The following EPB41L4A variants were observed in gnomAD, a reference collection of about 807,000 sequenced individuals.
EPB41L4A encodes band 4.1-like protein 4A.
A neutral mutation model predicts 108.6 loss-of-function variants in EPB41L4A; 100 were observed. The ratio of observed to expected loss-of-function variants is 0.92; its 90% CI spans 0.78 to 1.09. EPB41L4A has a LOEUF of 1.09. EPB41L4A is among the 50% of genes least tolerant of loss of function. The pLI is 0.00. For missense variants in EPB41L4A, 1,030 were observed against 842.7 expected (o/e 1.22, Z -2.75); for synonymous variants, 319 against 289.0 (o/e 1.10, Z -1.05).
intron 1 of EPB41L4A, among the ~76,000 whole-genome samples, chr5:112,382,537 G>C (rs1424502538): frequency 6.6e-6 from 1 of 152,138 alleles, no homozygotes; most frequent in Non-Finnish European, 1.5e-5. Flanking sequence ...TTCAAACGTA[G>C]CTATTCAAAC....
chr5:112,406,013 G>T (rs2112780368), intron 1 of EPB41L4A, among the ~76,000 whole-genome samples: 1 of 152,266 alleles, frequency 6.6e-6, no homozygotes, highest in Non-Finnish European at 1.5e-5. Context: ...CATAGCATTG[G>T]TCCAGACCCC....
intron 1 of EPB41L4A, 87 bp downstream of exon 1, chr5:112,418,854 C>G: frequency 9.5e-7 from 1 of 1,052,796 alleles, no homozygotes; most frequent in South Asian, 1.4e-5. Flanking sequence ...CCGCCGCCCT[C>G]GACCCACCGG....
chr5:112,212,555 A>C (rs1330791248), intron 12 of EPB41L4A, among the ~76,000 whole-genome samples: 1 of 152,168 alleles, frequency 6.6e-6, no homozygotes, highest in East Asian at 1.9e-4. Flanking sequence ...TTGGCCTCCC[A>C]AAGTGCTGGG....
At chr5:112,394,007 G>GA (rs1379122032) in intron 1 of EPB41L4A, among the ~76,000 whole-genome samples, 4 of 152,248 alleles carry the variant, frequency 2.6e-5, no homozygotes, top group Admixed American at 6.5e-5. Context: ...TATCTCAACA[G>GA]ATGCAGAAAA....
chr5:112,239,663 T>C lies in EPB41L4A; in HGVS notation c.962A>G (p.Tyr321Cys), dbSNP rs373267186. The stretch of plus-strand genomic sequence containing the variant: ...CAAGGAAAAAAATGTCATTTACCTG[T>C]AGCGGTGCTTATAACGTATGGATCC... ...KFGSIRYKHR[Y>C]SGRTALQMSR... The change falls in exon 11 of 23, where the codon TAC (tyrosine) becomes TGC (cysteine). Residue 321 changes from tyrosine (Y) to cysteine (C), a missense_variant. Transcript: ENST00000261486. The C allele has an allele frequency of 7.5e-6, 12 of 1,597,836 alleles. No individual in the cohort carries two copies. The highest frequency in any genetic ancestry group is 1.7e-4 in the Middle Eastern group (1 of 6,042).
chr5:112,168,706 A>T lies in EPB41L4A; in HGVS notation c.1932+33T>A, dbSNP rs17319543. On this transcript the variant is annotated intron_variant, in intron 22 of 22. Coordinates refer to ENST00000261486, the MANE Select transcript of EPB41L4A (RefSeq NM_022140.5). Reference sequence around the variant, plus strand: ...AATGCTTCTCAAAATTGTCATCAATACAACACCTTCTTCAAACCTTACTAT... The same window carrying T: ...AATGCTTCTCAAAATTGTCATCAATTCAACACCTTCTTCAAACCTTACTAT... 9.1e-3 allele frequency: 14,236 copies of T among 1,567,444 alleles called. 89 individuals are homozygous for T. The highest frequency in any genetic ancestry group is 9.7e-3 in the Non-Finnish European group (11,041 of 1,138,222).
At chr5:112,379,132 G>C (rs906816041) in intron 1 of EPB41L4A, among the ~76,000 whole-genome samples, 3 of 152,166 alleles carry the variant, frequency 2.0e-5, no homozygotes, top group Non-Finnish European at 4.4e-5. Context: ...GCACCCTGGG[G>C]GGGTCAAGCT....
At chr5:112,218,044 C>G (rs1184367554) in intron 12 of EPB41L4A, among the ~76,000 whole-genome samples, 3 of 152,090 alleles carry the variant, frequency 2.0e-5, no homozygotes. Flanking sequence ...CTGCCCTTCC[C>G]CCAGTGCTAC....
intron 2 of EPB41L4A, among the ~76,000 whole-genome samples, chr5:112,293,247 A>T (rs1753768737): frequency 6.6e-6 from 1 of 151,976 alleles, no homozygotes; most frequent in African/African-American, 2.4e-5. Flanking sequence ...TCAGGGATAC[A>T]GGTACAGGTT....
chr5:112,156,307 C>T (rs141461717), intron 12 of EPB41L4A, among the ~76,000 whole-genome samples: 30 of 152,220 alleles, frequency 2.0e-4, no homozygotes, highest in South Asian at 1.9e-3. Flanking sequence ...AGTATTGGCT[C>T]ATGCAATTAT....
chr5:112,182,880 T>A (rs1761227544), intron 18 of EPB41L4A, among the ~76,000 whole-genome samples: 1 of 150,218 alleles, frequency 6.7e-6, no homozygotes, highest in African/African-American at 2.5e-5. Context: ...CCAGTTTAAT[T>A]AGGTTGCTAA....
intron 22 of EPB41L4A, among the ~76,000 whole-genome samples, chr5:112,167,472 C>G (rs1054600630): frequency 1.3e-5 from 2 of 152,138 alleles, no homozygotes; most frequent in Non-Finnish European, 2.9e-5. Flanking sequence ...CATTCATTCT[C>G]TAGCTGCTGG....
At chr5:112,405,422 T>G (rs2112777162) in intron 1 of EPB41L4A, among the ~76,000 whole-genome samples, 1 of 152,354 alleles carries the variant, frequency 6.6e-6, no homozygotes, top group East Asian at 1.9e-4. Context: ...CTGGTTCTTT[T>G]AAAGCTGCTA....
chr5:112,259,320 G>A, intron 8 of EPB41L4A, 28 bp from the exon 9 acceptor site: 1 of 1,597,588 alleles, frequency 6.3e-7, no homozygotes, highest in Non-Finnish European at 8.6e-7. Context: ...TGGTGTTGCT[G>A]CTGTTTTTAA....
At chr5:112,374,497 C>T (rs1759688389) in intron 1 of EPB41L4A, among the ~76,000 whole-genome samples, 1 of 152,188 alleles carries the variant, frequency 6.6e-6, no homozygotes, top group African/African-American at 2.4e-5. Flanking sequence ...CACTCTGGCC[C>T]AATCACCTAG....
At position 112,334,914 on chromosome 5, in the gene EPB41L4A, C is replaced by A. The variant is rs116446328; in HGVS notation, c.100-27424G>T. ...TGATATAAGGGGTCTGGGTATTTCA[C>A]AGATGTCCTACCAAGCAAAGATCAA... On this transcript the variant is annotated intron_variant, in intron 1 of 22. Transcript: ENST00000261486. 2.2e-3 allele frequency among the ~76,000 whole-genome samples: 332 copies of A among 152,246 alleles called. 1 individual carries two copies. The highest frequency in any genetic ancestry group is 0.01 in the Middle Eastern group (3 of 294).
intron 12 of EPB41L4A, among the ~76,000 whole-genome samples, chr5:112,211,320 AC>A (rs901723950): frequency 5.3e-5 from 8 of 152,160 alleles, no homozygotes; most frequent in African/African-American, 1.9e-4. Flanking sequence ...GCAGTGGCTC[AC>A]GCCTGTCATC....
intron 15 of EPB41L4A, among the ~76,000 whole-genome samples, chr5:112,199,331 T>A (rs1024606338): frequency 6.6e-6 from 1 of 152,222 alleles, no homozygotes; most frequent in Non-Finnish European, 1.5e-5. Flanking sequence ...TCTAGTATTC[T>A]GGGAATGAAG....
intron 12 of EPB41L4A, among the ~76,000 whole-genome samples, chr5:112,155,389 C>G (rs895953518): frequency 2.0e-5 from 3 of 151,638 alleles, no homozygotes; most frequent in African/African-American, 7.3e-5. Flanking sequence ...AAAAGTGTAT[C>G]AAATGCTTTG....
Sources: allele counts gnomAD v4.1 joint callset (sites outside exome capture counted in the v4.1 genomes callset), GRCh38; gene constraint gnomAD v4.1.1; transcripts MANE v1.5; gene names NCBI Gene and HGNC (gene_info 2026-07-23, HGNC 2026-07-21).